The following DIAPH2 variants were observed in gnomAD, a reference collection of about 807,000 sequenced individuals.
DIAPH2 encodes diaphanous related formin 2.
DIAPH2 carries 35 observed loss-of-function variants against 92.7 expected under a neutral mutation model. The ratio of observed to expected loss-of-function variants is 0.38; its 90% confidence interval spans 0.29 to 0.50. DIAPH2 has a LOEUF of 0.50. Among genes scored for constraint, DIAPH2 ranks in the 20% least tolerant of loss-of-function variants. The probability of loss-of-function intolerance (pLI) is 0.94; values close to 1 mark genes in which losing one functional copy is unlikely to be tolerated. For synonymous variants in DIAPH2, 301 were observed against 280.4 expected (o/e 1.07, Z -0.73); for missense variants, 701 against 819.5 (o/e 0.86, Z 1.77).
At chrX:96,957,477 A>G (rs1331518440) in intron 15 of DIAPH2, among the ~76,000 whole-genome samples, 1 of 111,617 alleles carries the variant, frequency 9.0e-6, no homozygotes, top group African/African-American at 3.3e-5. Flanking sequence ...AAAAGGGAAA[A>G]TCCCCGTATA....
intron 25 of DIAPH2, among the ~76,000 whole-genome samples, chrX:97,426,982 G>A (rs1602582501): frequency 1.0e-5 from 1 of 100,128 alleles, no homozygotes; most frequent in South Asian, 5.4e-4. Context: ...TTCGAGACCA[G>A]CCTGGCCAAC....
chrX:96,782,556 C>G (rs1031241229), intron 4 of DIAPH2, among the ~76,000 whole-genome samples: 3 of 111,545 alleles, frequency 2.7e-5, no homozygotes, highest in Non-Finnish European at 5.6e-5. Flanking sequence ...GCCTCGGCCT[C>G]CCAAAGTGCT....
intron 25 of DIAPH2, among the ~76,000 whole-genome samples, chrX:97,399,660 C>A (rs937958566): frequency 8.9e-6 from 1 of 111,984 alleles, no homozygotes; most frequent in Non-Finnish European, 1.9e-5. Flanking sequence ...GTGGTGAGAA[C>A]TGCCTCAGCA....
intron 10 of DIAPH2, 91 bp from the exon 11 acceptor site, chrX:96,937,142 A>G: frequency 4.9e-6 from 2 of 407,087 alleles, no homozygotes; most frequent in South Asian, 2.2e-4. Context: ...TTCTGTGTTT[A>G]TAAATGAATA....
intron 26 of DIAPH2, among the ~76,000 whole-genome samples, chrX:97,487,905 T>C (rs1717603787): frequency 8.9e-6 from 1 of 112,587 alleles, no homozygotes; most frequent in South Asian, 3.7e-4. Flanking sequence ...TGGCCATTTG[T>C]ATGTCTACTT....
At chrX:96,853,189 C>T (rs764467999) in intron 4 of DIAPH2, among the ~76,000 whole-genome samples, 5 of 111,024 alleles carry the variant, frequency 4.5e-5, no homozygotes, top group African/African-American at 9.8e-5. Flanking sequence ...GAGATGGGGA[C>T]GGGAGATGAA....
chrX:96,888,823 C>T (rs1435520792), intron 5 of DIAPH2, among the ~76,000 whole-genome samples: 1 of 108,422 alleles, frequency 9.2e-6, no homozygotes, highest in Non-Finnish European at 1.9e-5. Flanking sequence ...AAGTAATTTG[C>T]GCCATATTAA....
At position 96,962,284 on chromosome X, in the gene DIAPH2, T is replaced by C. The variant is rs866161782; in HGVS notation, c.1936-2809T>C. 1.8e-3 allele frequency among the ~76,000 whole-genome samples: 132 copies of C among 73,567 alleles called. 3 individuals are homozygous for C. The highest frequency in any genetic ancestry group is 3.0e-3 in the South Asian group (4 of 1,326). The allele number at this position is 73,567 out of a possible 115,157, so 63.9% of individuals were successfully genotyped here. A position where few individuals can be genotyped will look rare whatever the true frequency, so the allele number is the denominator to read the frequency against. Reference sequence around the variant, plus strand: ...TTCTATATATATATACATATATATATACATATATATATATACATATATATA... The same window carrying C: ...TTCTATATATATATACATATATATACACATATATATATATACATATATATA... On this transcript the variant is annotated intron_variant, in intron 16 of 26. Coordinates refer to ENST00000324765, the MANE Select transcript of DIAPH2 (RefSeq NM_006729.5).
rs189372634 is a variant in DIAPH2, at chrX:97,173,856, G to A, written c.2719+32062G>A. ...CTGGGAGAAGCTGAGGCTGCAGTGA[G>A]TCATGATTGCTACTGCACTCCAGCC... is the stretch of plus-strand genomic sequence containing the variant. On this transcript the variant is annotated intron_variant, in intron 22 of 26. Transcript: ENST00000324765. Among the ~76,000 whole-genome samples the A allele has an allele frequency of 5.2e-3, 561 of 107,875 alleles. 5 individuals carry two copies. Among genetic ancestry groups the A allele is most frequent in the African/African-American group, 0.018 (544 of 29,612 alleles). 93.7% of individuals were successfully genotyped at this position (107,875 alleles called of 115,157 possible). A position where few individuals can be genotyped will look rare whatever the true frequency, so the allele number is the denominator to read the frequency against.
intron 23 of DIAPH2, among the ~76,000 whole-genome samples, chrX:97,278,984 A>T (rs939828683): frequency 8.9e-6 from 1 of 112,421 alleles, no homozygotes; most frequent in African/African-American, 3.2e-5. Context: ...TTCATCTTGC[A>T]AACAAAGGGA....
chrX:97,099,876 G>C, intron 20 of DIAPH2, 81 bp downstream of exon 20: 1 of 450,572 alleles, frequency 2.2e-6, no homozygotes. Flanking sequence ...AAACATTTCA[G>C]TTGTCAATTA....
At chrX:97,365,362 T>A (rs1381471425) in intron 24 of DIAPH2, among the ~76,000 whole-genome samples, 1 of 111,924 alleles carries the variant, frequency 8.9e-6, no homozygotes, top group Admixed American at 9.5e-5. Context: ...TGCCAGATAC[T>A]GTTTTCTAAA....
intron 1 of DIAPH2, among the ~76,000 whole-genome samples, chrX:96,712,425 C>T (rs2063924251): frequency 1.8e-5 from 2 of 111,001 alleles, no homozygotes; most frequent in South Asian, 7.6e-4. Context: ...GAGGGCTTGC[C>T]ATAAAAAGTA....
intron 22 of DIAPH2, among the ~76,000 whole-genome samples, chrX:97,189,438 C>A (rs1012515556): frequency 2.2e-5 from 2 of 90,296 alleles, no homozygotes; most frequent in Non-Finnish European, 4.4e-5. Flanking sequence ...CGTCCCCCCC[C>A]CTCCCTCCCT....
intron 26 of DIAPH2, among the ~76,000 whole-genome samples, chrX:97,565,337 C>T (rs1397160996): frequency 8.9e-6 from 1 of 112,386 alleles, no homozygotes. Context: ...ATGCAAGTCA[C>T]TTAACACAGT....
intron 23 of DIAPH2, among the ~76,000 whole-genome samples, chrX:97,255,375 C>T (rs2068228556): frequency 9.0e-6 from 1 of 111,726 alleles, no homozygotes; most frequent in Non-Finnish European, 1.9e-5. Context: ...TTCCCTATTC[C>T]CTGTATTTTT....
chrX:97,426,204 A>G (rs746405500), intron 25 of DIAPH2, among the ~76,000 whole-genome samples: 3 of 110,118 alleles, frequency 2.7e-5, no homozygotes, highest in African/African-American at 9.9e-5. Flanking sequence ...CAAAATATCC[A>G]TCCTCTCCAT....
intron 21 of DIAPH2, among the ~76,000 whole-genome samples, chrX:97,131,868 T>G (rs1252156830): frequency 1.8e-5 from 2 of 112,246 alleles, no homozygotes; most frequent in Admixed American, 1.9e-4. Context: ...TTCTGGCCTT[T>G]CCTAAAACCA....
At chrX:97,573,991 A>G (rs938775932) in intron 26 of DIAPH2, among the ~76,000 whole-genome samples, 5 of 111,837 alleles carry the variant, frequency 4.5e-5, no homozygotes, top group African/African-American at 1.6e-4. Context: ...TTGAAGTAGA[A>G]AGTAGCAATT....
Sources: allele counts gnomAD v4.1 joint callset (sites outside exome capture counted in the v4.1 genomes callset), GRCh38; gene constraint gnomAD v4.1.1; transcripts MANE v1.5; gene names NCBI Gene and HGNC (gene_info 2026-07-23, HGNC 2026-07-21).